The following TRDN variants were observed in gnomAD, a reference collection of about 807,000 sequenced individuals.
TRDN encodes the protein triadin in skeletal muscle.
In TRDN, 161 loss-of-function variants were observed where a neutral mutation model predicts 149.7. That is an observed-to-expected ratio of 1.08 (90% CI 0.95 to 1.23). The LOEUF is 1.23. Among genes scored for constraint, TRDN ranks in the 50% most tolerant of loss-of-function variants. TRDN has a pLI of 0.00. For synonymous variants in TRDN, 294 were observed against 250.5 expected (o/e 1.17, Z -1.64); for missense variants, 896 against 823.5 (o/e 1.09, Z -1.08).
At chr6:123,363,397 T>G (rs1780971315) in intron 20 of TRDN, among the ~76,000 whole-genome samples, 1 of 152,198 alleles carries the variant, frequency 6.6e-6, no homozygotes, top group Non-Finnish European at 1.5e-5. Context: ...TTGATTTTTG[T>G]TTGTAATTTG....
chr6:123,483,938 G>A (rs1410295935), intron 9 of TRDN, among the ~76,000 whole-genome samples: 2 of 152,142 alleles, frequency 1.3e-5, no homozygotes, highest in African/African-American at 2.4e-5. Context: ...ATGTCTTAAT[G>A]TATGATACTT....
chr6:123,513,066 G>T (rs1452918368), intron 6 of TRDN, among the ~76,000 whole-genome samples: 1 of 152,128 alleles, frequency 6.6e-6, no homozygotes, highest in African/African-American at 2.4e-5. Flanking sequence ...GCCTCAGAAA[G>T]CCTAATATTC....
At chr6:123,556,061 A>G (rs140198604) in intron 2 of TRDN, among the ~76,000 whole-genome samples, 1 of 152,276 alleles carries the variant, frequency 6.6e-6, no homozygotes, top group Non-Finnish European at 1.5e-5. Flanking sequence ...GAATAATTAG[A>G]TTTCAGACTG....
chr6:123,260,284 CAT>C, intron 34 of TRDN, among the ~76,000 whole-genome samples: 1 of 152,090 alleles, frequency 6.6e-6, no homozygotes, highest in South Asian at 2.1e-4. Context: ...AAAAATGTAA[CAT>C]AATATTTCTA....
Position 123,550,133 on chromosome 6 carries a change from C to T in TRDN, c.233-1521G>A, listed in dbSNP as rs115430167. 9.7e-3 allele frequency among the ~76,000 whole-genome samples: 1,481 copies of T among 152,024 alleles called. 34 individuals are homozygous for T. The highest frequency in any genetic ancestry group is 0.033 in the African/African-American group (1,373 of 41,474). On this transcript the variant is annotated intron_variant, in intron 2 of 40. Coordinates refer to ENST00000334268, the MANE Select transcript of TRDN (RefSeq NM_006073.4). ...TGAAAACAGAAACTTCAGAATCCAA[C>T]GGAAGACAGAAGGTATCAAAGCCAT...
intron 38 of TRDN, among the ~76,000 whole-genome samples, chr6:123,225,254 A>C (rs1775312468): frequency 6.6e-6 from 1 of 151,696 alleles, no homozygotes; most frequent in Admixed American, 6.6e-5. Flanking sequence ...GATTTAAGAG[A>C]AAAGGGAACT....
chr6:123,514,155 A>G (rs1253979858), intron 6 of TRDN, among the ~76,000 whole-genome samples: 1 of 152,138 alleles, frequency 6.6e-6, no homozygotes, highest in Non-Finnish European at 1.5e-5. Flanking sequence ...ACTTGAGTTC[A>G]GGAGTATGAG....
intron 4 of TRDN, among the ~76,000 whole-genome samples, chr6:123,539,931 A>G (rs574962178): frequency 6.6e-6 from 1 of 152,166 alleles, no homozygotes; most frequent in Admixed American, 6.6e-5. Flanking sequence ...TTACAAATTC[A>G]ACTATTTAAG....
chr6:123,586,687 G>A (rs1783504370), intron 1 of TRDN, among the ~76,000 whole-genome samples: 1 of 152,090 alleles, frequency 6.6e-6, no homozygotes, highest in African/African-American at 2.4e-5. Context: ...GATGAGAGTT[G>A]AAGAGGTTTT....
intron 8 of TRDN, among the ~76,000 whole-genome samples, chr6:123,500,409 T>C (rs1778648211): frequency 6.6e-6 from 1 of 152,146 alleles, no homozygotes; most frequent in Non-Finnish European, 1.5e-5. Flanking sequence ...TTAACCTATC[T>C]AAGAATACAG....
chr6:123,593,695 C>T (rs962751921), intron 1 of TRDN, among the ~76,000 whole-genome samples: 10 of 152,134 alleles, frequency 6.6e-5, no homozygotes, highest in African/African-American at 2.2e-4. Flanking sequence ...GATTGGATCA[C>T]ACCTTAATGA....
At chr6:123,327,230 G>A (rs2114719034) in intron 23 of TRDN, among the ~76,000 whole-genome samples, 1 of 152,004 alleles carries the variant, frequency 6.6e-6, no homozygotes, top group East Asian at 1.9e-4. Context: ...CTCTCAGTGT[G>A]CGTTCCTATA....
intron 9 of TRDN, among the ~76,000 whole-genome samples, chr6:123,474,836 A>T (rs1056173099): frequency 6.6e-6 from 1 of 152,164 alleles, no homozygotes; most frequent in Non-Finnish European, 1.5e-5. Context: ...CTGGGTACAT[A>T]ACGAAATGAA....
At chr6:123,300,922 C>G (rs539422151) in intron 24 of TRDN, among the ~76,000 whole-genome samples, 144 of 151,968 alleles carry the variant, frequency 9.5e-4, no homozygotes, top group African/African-American at 3.2e-3. Context: ...AATTAAGAAA[C>G]AGGCTTCCAG....
intron 22 of TRDN, among the ~76,000 whole-genome samples, chr6:123,336,157 A>G (rs2114734997): frequency 6.6e-6 from 1 of 152,162 alleles, no homozygotes. Flanking sequence ...ACTCAAAGCA[A>G]AAGTGCTTTT....
chr6:123,271,119 A>T lies in TRDN; in HGVS notation c.1720+20T>A. 6.7e-7 allele frequency: 1 copy of T among 1,486,760 alleles called. No homozygotes were observed. Among genetic ancestry groups the T allele is most frequent in the Non-Finnish European group, 9.1e-7 (1 of 1,104,764 alleles). 92.1% of individuals were successfully genotyped at this position (1,486,760 alleles called of 1,614,324 possible). ...AACATATAATGAGACATAGAAAAAAATATAAAATACCTTATTTACCTGTTT... is the reference window on the plus strand; with the variant it reads ...AACATATAATGAGACATAGAAAAAATTATAAAATACCTTATTTACCTGTTT... On this transcript the variant is annotated intron_variant, in intron 30 of 40. Coordinates refer to ENST00000334268, the MANE Select transcript of TRDN (RefSeq NM_006073.4).
intron 2 of TRDN, among the ~76,000 whole-genome samples, chr6:123,568,918 C>T: frequency 6.6e-6 from 1 of 152,250 alleles, no homozygotes; most frequent in East Asian, 1.9e-4. Context: ...GGTTTCTCCA[C>T]AGCCTGCTTG....
At chr6:123,587,710 T>C (rs1047136054) in intron 1 of TRDN, among the ~76,000 whole-genome samples, 2 of 146,780 alleles carry the variant, frequency 1.4e-5, no homozygotes, top group Non-Finnish European at 3.0e-5. Flanking sequence ...AGAGAGTCAG[T>C]GAAGGGAGAT....
chr6:123,484,727 T>A (rs1777904882), intron 9 of TRDN, among the ~76,000 whole-genome samples: 1 of 152,154 alleles, frequency 6.6e-6, no homozygotes, highest in Admixed American at 6.5e-5. Context: ...AAGATATACC[T>A]ACAGAACCTG....
Sources: gnomAD v4.1 joint callset for allele counts (sites outside exome capture counted in the v4.1 genomes callset) on GRCh38, gnomAD v4.1.1 for gene constraint, MANE v1.5 for transcripts, NCBI Gene and HGNC (gene_info 2026-07-23, HGNC 2026-07-21) for gene names.